Variants in CARNMT1 observed in about 807,000 individuals in gnomAD.
CARNMT1 encodes carnosine N-methyltransferase 1.
CARNMT1 carries 28 observed loss-of-function variants against 49.6 expected under a neutral mutation model. The ratio of observed to expected loss-of-function variants is 0.56; its 90% CI spans 0.42 to 0.77. The LOEUF is 0.77. Among genes scored for constraint, CARNMT1 ranks in the 30% least tolerant of loss-of-function variants. The pLI is 0.00. For missense variants in CARNMT1, 421 were observed against 512.6 expected (o/e 0.82, Z 1.73); for synonymous variants, 178 against 175.0 (o/e 1.02, Z -0.13).
chr9:75,021,888 T>C (rs1227317094), intron 1 of CARNMT1, among the ~76,000 whole-genome samples: 9 of 152,006 alleles, frequency 5.9e-5, no homozygotes, highest in Non-Finnish European at 1.3e-4. Context: ...CAGCGAGCTA[T>C]GATTGTGTCA....
rs200103770 is a variant in CARNMT1 at position 75,015,819 on chromosome 9, A to AT, written c.590+448dup. 1.5e-4 allele frequency: 23 copies of AT among 149,440 alleles called. No individual in the cohort carries two copies. In the East Asian group the frequency reaches 3.7e-3, roughly 24 times the overall value. 9.3% of individuals were successfully genotyped at this position (149,440 alleles called of 1,614,324 possible). A position where few individuals can be genotyped will look rare whatever the true frequency, so the allele number is the denominator to read the frequency against. ...ATAAATAAATAAATAAATAAATAAA[A>AT]TAAAAAAAAAATTATTCTGAAAAGC... is the stretch of plus-strand genomic sequence containing the variant. On this transcript the variant is annotated intron_variant, in intron 3 of 7. Transcript: ENST00000376834.
intron 3 of CARNMT1, among the ~76,000 whole-genome samples, chr9:75,012,210 T>C (rs1379852568): frequency 6.6e-6 from 1 of 152,136 alleles, no homozygotes; most frequent in Non-Finnish European, 1.5e-5. Context: ...ATATCACTTA[T>C]ATCTGAGCTC....
intron 3 of CARNMT1, among the ~76,000 whole-genome samples, chr9:75,011,883 T>C (rs1833699599): frequency 6.6e-6 from 1 of 152,110 alleles, no homozygotes; most frequent in Non-Finnish European, 1.5e-5. Flanking sequence ...ACAACTGCAA[T>C]TAAACAAAAT....
intron 6 of CARNMT1, among the ~76,000 whole-genome samples, chr9:74,985,771 C>A (rs988437127): frequency 6.6e-6 from 1 of 151,964 alleles, no homozygotes; most frequent in Admixed American, 6.6e-5. Flanking sequence ...GTAGAGACAG[C>A]GTTTCACCAT....
intron 1 of CARNMT1, among the ~76,000 whole-genome samples, chr9:75,024,389 C>T (rs1337705037): frequency 1.3e-5 from 2 of 152,156 alleles, no homozygotes; most frequent in Non-Finnish European, 2.9e-5. Context: ...TTGTGTCTAT[C>T]CACATCCTCA....
Position 75,017,307 on chromosome 9 carries a change from C to T in CARNMT1, c.372G>A (p.Leu124=), listed in dbSNP as rs375259114. ...TATGTATGCAATCATTCACAATGGT[C>T]AGTAGTATTTCTTGATTATGATCAA... is the stretch of plus-strand genomic sequence containing the variant. ...KCIDHNQEIL[L]TIVNDCIHMF... is the part of the protein sequence containing the mutation. The change falls in exon 2 of 8, where the codon CTG becomes CTA. Residue 124 remains leucine, a synonymous_variant. Coordinates refer to ENST00000376834, the MANE Select transcript of CARNMT1 (RefSeq NM_152420.3). 6.2e-7 allele frequency: 1 copy of T among 1,613,836 alleles called. No homozygotes were observed. The highest frequency in any genetic ancestry group is 1.1e-5 in the South Asian group (1 of 91,034).
intron 3 of CARNMT1, chr9:75,015,785 A>AG (rs1833828858): frequency 6.7e-6 from 1 of 148,942 alleles, no homozygotes; most frequent in African/African-American, 2.5e-5. Flanking sequence ...GACTGTCTCA[A>AG]AAAAATAAAT....
rs530891663 is a variant in CARNMT1 at position 74,988,887 on chromosome 9, T to C, written c.1025-3877A>G. Among the ~76,000 whole-genome samples, 22 of 152,354 alleles carry C rather than the reference T, an allele frequency of 1.4e-4. No homozygotes were observed. In the South Asian group the frequency reaches 4.3e-3, roughly 30 times the overall value. On this transcript the variant is annotated intron_variant, in intron 6 of 7. Coordinates refer to ENST00000376834, the MANE Select transcript of CARNMT1 (RefSeq NM_152420.3). ...TTTAAGGTTTTCCCACACACTATTT[T>C]ATAACATGTTACTGTTTTTCTAGAA...
intron 3 of CARNMT1, among the ~76,000 whole-genome samples, chr9:75,000,624 G>A (rs954145536): frequency 5.9e-5 from 9 of 151,948 alleles, no homozygotes; most frequent in African/African-American, 1.7e-4. Flanking sequence ...ATATAATCCC[G>A]AGGAAACTAA....
At chr9:75,005,171 TTTAAA>T (rs1301736270) in intron 3 of CARNMT1, among the ~76,000 whole-genome samples, 10 of 152,354 alleles carry the variant, frequency 6.6e-5, no homozygotes, top group Non-Finnish European at 1.0e-4. Context: ...AAGCTCATTC[TTTAAA>T]TTAAAAACAT....
At chr9:75,015,663 G>C (rs1587297357) in intron 3 of CARNMT1, 1 of 151,960 alleles carries the variant, frequency 6.6e-6, no homozygotes, top group Non-Finnish European at 1.5e-5. Context: ...GTGTAAGCCT[G>C]CAGTCCCAGC....
intron 6 of CARNMT1, among the ~76,000 whole-genome samples, chr9:74,992,427 T>C (rs898397712): frequency 2.6e-5 from 4 of 152,224 alleles, no homozygotes; most frequent in African/African-American, 4.8e-5. Context: ...ATTTTATTAA[T>C]TCTTCCAGAT....
intron 6 of CARNMT1, chr9:74,991,645 C>T (rs1342204537): frequency 6.6e-6 from 1 of 152,118 alleles, no homozygotes; most frequent in Non-Finnish European, 1.5e-5. Flanking sequence ...GGTCTCTCAC[C>T]TGAGCATGGA....
At chr9:75,022,552 A>T (rs911515960) in intron 1 of CARNMT1, among the ~76,000 whole-genome samples, 3 of 152,176 alleles carry the variant, frequency 2.0e-5, no homozygotes, top group Non-Finnish European at 4.4e-5. Flanking sequence ...GGCTCTTGAT[A>T]TAAAATGATG....
chr9:75,027,872 C>G, intron 1 of CARNMT1, 140 bp downstream of exon 1: 1 of 968,762 alleles, frequency 1.0e-6, no homozygotes, highest in Non-Finnish European at 1.4e-6. Context: ...GACTCGGGGC[C>G]CGGAGGTCAG....
At chr9:74,997,672 T>C (rs1175225430) in intron 5 of CARNMT1, among the ~76,000 whole-genome samples, 1 of 152,068 alleles carries the variant, frequency 6.6e-6, no homozygotes, top group African/African-American at 2.4e-5. Context: ...GGTTCTCTAC[T>C]AGACATTTTT....
At chr9:74,995,774 A>G (rs555320244) in intron 6 of CARNMT1, among the ~76,000 whole-genome samples, 2 of 152,324 alleles carry the variant, frequency 1.3e-5, no homozygotes, top group African/African-American at 4.8e-5. Context: ...TTCTGAACAC[A>G]GATTATATAT....
chr9:75,006,652 C>G (rs1286052208), intron 3 of CARNMT1, among the ~76,000 whole-genome samples: 1 of 152,068 alleles, frequency 6.6e-6, no homozygotes, highest in African/African-American at 2.4e-5. Context: ...AACTGAGGAA[C>G]AGTTATGAGG....
At chr9:74,992,921 G>A (rs1363287707) in intron 6 of CARNMT1, among the ~76,000 whole-genome samples, 2 of 152,132 alleles carry the variant, frequency 1.3e-5, no homozygotes, top group Non-Finnish European at 2.9e-5. Flanking sequence ...AGTTTACAGG[G>A]TAAATTAAGC....
Sources: gnomAD v4.1 joint callset for allele counts (sites outside exome capture counted in the v4.1 genomes callset) on GRCh38, gnomAD v4.1.1 for gene constraint, MANE v1.5 for transcripts, NCBI Gene and HGNC (gene_info 2026-07-23, HGNC 2026-07-21) for gene names.